CCDC88A: variants seen among roughly 807,000 people sequenced by gnomAD.
CCDC88A encodes the protein coiled-coil and HOOK domain protein 88A.
In CCDC88A, 54 loss-of-function variants were observed where a neutral mutation model predicts 234.3. The ratio of observed to expected loss-of-function variants is 0.23; its 90% CI spans 0.19 to 0.29. The LOEUF (loss-of-function observed/expected upper bound fraction) is 0.29. Among genes scored for constraint, CCDC88A ranks in the 10% least tolerant of loss-of-function variants. The pLI, the probability that CCDC88A is intolerant of heterozygous loss-of-function variation, is 1.00. For synonymous variants in CCDC88A, 753 were observed against 737.8 expected (o/e 1.02, Z -0.33); for missense variants, 1,832 against 2,123.4 (o/e 0.86, Z 2.70).
intron 7 of CCDC88A, chr2:55,356,027 G>A (rs1294341792): frequency 9.4e-6 from 2 of 212,134 alleles, no homozygotes; most frequent in Non-Finnish European, 1.9e-5. Flanking sequence ...TGGGGTACAC[G>A]TGCAGGGTAT....
chr2:55,300,508 C>T (rs1680762641), intron 28 of CCDC88A: 3 of 152,250 alleles, frequency 2.0e-5, no homozygotes, highest in Admixed American at 2.0e-4. Flanking sequence ...CTCAACATTG[C>T]CCAAAAACTG....
chr2:55,374,666 T>C, intron 4 of CCDC88A, 148 bp downstream of exon 4: 1 of 477,374 alleles, frequency 2.1e-6, no homozygotes. Context: ...TAAGCTTGTC[T>C]CTTTCTATAA....
chr2:55,343,104 T>C lies in CCDC88A; in HGVS notation c.1333+544A>G, dbSNP rs143675384. Among the ~76,000 whole-genome samples, 451 of 152,126 alleles carry C rather than the reference T, an allele frequency of 3.0e-3. 3 individuals carry two copies. Among genetic ancestry groups the C allele is most frequent in the African/African-American group, 9.2e-3 (380 of 41,526 alleles). On this transcript the variant is annotated intron_variant, in intron 12 of 32. Transcript: ENST00000436346. ...GGAAAAGAGAGCCAAAAGTTAAAAA[T>C]TTACCTGGGGGATCTTACATTAGGT...
At chr2:55,381,822 A>G (rs189106826) in intron 3 of CCDC88A, among the ~76,000 whole-genome samples, 9 of 152,332 alleles carry the variant, frequency 5.9e-5, no homozygotes, top group Admixed American at 5.2e-4. Context: ...CACCACACAG[A>G]GTAAAACACT....
In CCDC88A at chr2:55,419,246, A is replaced by C; in HGVS notation, c.-167T>G. 8.5e-6 allele frequency: 5 copies of C among 589,930 alleles called. No homozygotes were observed. Among genetic ancestry groups the C allele is most frequent in the Non-Finnish European group, 1.5e-5 (5 of 332,108 alleles). 36.5% of individuals were successfully genotyped at this position (589,930 alleles called of 1,614,324 possible). A position where few individuals can be genotyped will look rare whatever the true frequency, so the allele number is the denominator to read the frequency against. On this transcript the variant is annotated 5_prime_UTR_variant, in exon 1 of 33. Transcript: ENST00000436346. The stretch of plus-strand genomic sequence containing the variant: ...TCTCCCTCCTCAAAAAACACCCCAG[A>C]GTGAAACGAGCCGAAATCCCAAGAA...
chr2:55,339,380 TA>T, intron 13 of CCDC88A, 83 bp downstream of exon 13: 1 of 1,180,074 alleles, frequency 8.5e-7, no homozygotes, highest in Non-Finnish European at 1.2e-6. Flanking sequence ...AGCGTGCATT[TA>T]AAAAGTGGAA....
At chr2:55,411,959 A>C (rs1680570921) in intron 2 of CCDC88A, among the ~76,000 whole-genome samples, 1 of 152,126 alleles carries the variant, frequency 6.6e-6, no homozygotes, top group Admixed American at 6.6e-5. Flanking sequence ...AAAGGTAATT[A>C]AAACAAATAC....
At chr2:55,391,391 TA>T (rs1676618980) in intron 2 of CCDC88A, among the ~76,000 whole-genome samples, 1 of 151,458 alleles carries the variant, frequency 6.6e-6, no homozygotes, top group South Asian at 2.1e-4. Context: ...CAGCATAAAA[TA>T]AAAAAATTAA....
intron 18 of CCDC88A, among the ~76,000 whole-genome samples, chr2:55,320,277 C>A (rs1445083099): frequency 6.6e-6 from 1 of 152,044 alleles, no homozygotes; most frequent in Non-Finnish European, 1.5e-5. Flanking sequence ...CTAAATTGTA[C>A]AAGCTCTACC....
chr2:55,401,247 C>CTGT (rs1678564264), intron 2 of CCDC88A, among the ~76,000 whole-genome samples: 1 of 150,940 alleles, frequency 6.6e-6, no homozygotes, highest in African/African-American at 2.4e-5. Context: ...CTGTACAACA[C>CTGT]AGCAAGACTC....
intron 5 of CCDC88A, among the ~76,000 whole-genome samples, chr2:55,364,849 C>T (rs969342060): frequency 3.9e-5 from 6 of 152,130 alleles, no homozygotes; most frequent in Non-Finnish European, 8.8e-5. Context: ...CTGCTAGTAT[C>T]ACTGTATTCT....
intron 16 of CCDC88A, chr2:55,329,272 G>T (rs889509076): frequency 2.0e-5 from 3 of 152,152 alleles, no homozygotes; most frequent in African/African-American, 7.2e-5. Flanking sequence ...ACACAATTCA[G>T]TGTATCATAA....
intron 3 of CCDC88A, among the ~76,000 whole-genome samples, chr2:55,381,133 G>A (rs1355885660): frequency 1.4e-5 from 2 of 138,668 alleles, no homozygotes; most frequent in Non-Finnish European, 3.2e-5. Context: ...ATGCTATACA[G>A]GTTTGCAGCC....
In CCDC88A at chr2:55,372,175, A is replaced by T. The variant is rs539834443; in HGVS notation, c.402+277T>A. Among the ~76,000 whole-genome samples the T allele has an allele frequency of 2.0e-5, 3 of 152,238 alleles. No individual in the cohort carries two copies. In the East Asian group the frequency reaches 5.8e-4, roughly 29 times the overall value. The stretch of plus-strand genomic sequence containing the variant: ...GGTTTTTAAGGGCACCTCTGAAAAA[A>T]CCTCAAAAATTTAAGGTCATTATAA... On this transcript the variant is annotated intron_variant, in intron 5 of 32. Transcript: ENST00000436346.
At chr2:55,388,449 T>A (rs56866564) in intron 3 of CCDC88A, 5,331 of 152,298 alleles carry the variant, frequency 0.035, 273 homozygotes, top group African/African-American at 0.12. Flanking sequence ...GTTTTTTTTT[T>A]AAAAAAAATG....
rs1248690775 is a variant in CCDC88A, at chr2:55,419,652, C to G, written c.-573G>C. On this transcript the variant is annotated 5_prime_UTR_variant, in exon 1 of 33. Transcript: ENST00000436346. ...CCAACAGGCAGGGCTCGCCCCTTCC[C>G]CCCGAGCAGACACCATTCCTCCGCC... 2 of 152,714 alleles carry G rather than the reference C, an allele frequency of 1.3e-5. No individual in the cohort carries two copies. Among genetic ancestry groups the G allele is most frequent in the African/African-American group, 4.8e-5 (2 of 41,390 alleles). 9.5% of individuals were successfully genotyped at this position (152,714 alleles called of 1,614,324 possible). A position where few individuals can be genotyped will look rare whatever the true frequency, so the allele number is the denominator to read the frequency against.
At chr2:55,360,551 T>TC (rs1393256286) in intron 7 of CCDC88A, among the ~76,000 whole-genome samples, 2 of 152,236 alleles carry the variant, frequency 1.3e-5, no homozygotes, top group Non-Finnish European at 2.9e-5. Flanking sequence ...GACCACTTTT[T>TC]CTTCCTTATT....
intron 5 of CCDC88A, among the ~76,000 whole-genome samples, chr2:55,366,528 CACACAT>C (rs1334076798): frequency 6.7e-5 from 8 of 120,048 alleles, no homozygotes; most frequent in Non-Finnish European, 1.2e-4. Flanking sequence ...CTCTGTCACA[CACACAT>C]ACACACACAC....
intron 12 of CCDC88A, among the ~76,000 whole-genome samples, chr2:55,341,335 ACGGG>A (rs1668466419): frequency 6.6e-6 from 1 of 150,670 alleles, no homozygotes; most frequent in African/African-American, 2.4e-5. Context: ...TTCAGTAGAG[ACGGG>A]GTTTCATCAT....
Sources: allele counts gnomAD v4.1 joint callset (sites outside exome capture counted in the v4.1 genomes callset), GRCh38; gene constraint gnomAD v4.1.1; transcripts MANE v1.5; gene names NCBI Gene and HGNC (gene_info 2026-07-23, HGNC 2026-07-21).